CRY1: variants seen among roughly 807,000 people sequenced by gnomAD.
CRY1 encodes cryptochrome-1.
Under a neutral mutation model 76.0 loss-of-function variants are expected in CRY1, and 45 were observed. The observed-to-expected ratio is 0.59, with a 90% CI of 0.47 to 0.76. CRY1 has a LOEUF of 0.76. Among genes scored for constraint, CRY1 ranks in the 30% least tolerant of loss-of-function variants. The pLI is 0.00. For missense variants in CRY1, 587 were observed against 716.4 expected (o/e 0.82, Z 2.06); for synonymous variants, 248 against 244.0 (o/e 1.02, Z -0.15).
intron 1 of CRY1, among the ~76,000 whole-genome samples, chr12:107,047,855 C>A (rs899283235): frequency 2.0e-5 from 3 of 151,754 alleles, no homozygotes; most frequent in East Asian, 1.9e-4. Flanking sequence ...TACAAGGAAC[C>A]AGACAAGCAA....
chr12:107,001,980 A>T (rs763177516), intron 3 of CRY1, 32 bp from the exon 4 acceptor site: 1 of 1,524,406 alleles, frequency 6.6e-7, no homozygotes, highest in Admixed American at 2.5e-5. Context: ...TGTAGTTAGT[A>T]TTAAAAAAGA....
At chr12:107,059,414 AT>A (rs1198369844) in intron 1 of CRY1, among the ~76,000 whole-genome samples, 1 of 151,440 alleles carries the variant, frequency 6.6e-6, no homozygotes, top group Non-Finnish European at 1.5e-5. Flanking sequence ...TACTTGTCTA[AT>A]TTTTTTTCCG....
intron 2 of CRY1, among the ~76,000 whole-genome samples, chr12:107,012,195 TA>T (rs1566246938): frequency 6.6e-6 from 1 of 151,772 alleles, no homozygotes; most frequent in Admixed American, 6.6e-5. Context: ...GTCTCAAAAA[TA>T]AAAAAAGAAG....
At chr12:107,009,558 A>AC (rs1555275534) in intron 2 of CRY1, among the ~76,000 whole-genome samples, 879 of 48,384 alleles carry the variant, frequency 0.018, 25 homozygotes, top group Middle Eastern at 0.034. Context: ...AAAAAAACAA[A>AC]AAAACATATA....
intron 3 of CRY1, 125 bp downstream of exon 3, chr12:107,004,981 A>T: frequency 1.3e-6 from 1 of 778,746 alleles, no homozygotes; most frequent in Non-Finnish European, 2.0e-6. Flanking sequence ...TTTCTACTTT[A>T]TAAACCTCAG....
At chr12:107,086,085 T>C (rs1215666411) in intron 1 of CRY1, among the ~76,000 whole-genome samples, 2 of 152,172 alleles carry the variant, frequency 1.3e-5, no homozygotes, top group African/African-American at 4.8e-5. Flanking sequence ...TTGGCTACAT[T>C]GTATCCATGC....
chr12:107,006,976 AG>A (rs932509042), intron 2 of CRY1, among the ~76,000 whole-genome samples: 9 of 152,150 alleles, frequency 5.9e-5, no homozygotes, highest in Non-Finnish European at 1.2e-4. Context: ...CTAAACTATT[AG>A]GAAAAAAATA....
At position 107,093,049 on chromosome 12, in the gene CRY1, C is replaced by T. The variant is rs540370223; in HGVS notation, c.-88G>A. 2.1e-6 allele frequency: 3 copies of T among 1,403,584 alleles called. No individual in the cohort carries two copies. Among genetic ancestry groups the T allele is most frequent in the African/African-American group, 1.5e-5 (1 of 68,588 alleles). 86.9% of individuals were successfully genotyped at this position (1,403,584 alleles called of 1,614,324 possible). On this transcript the variant is annotated 5_prime_UTR_variant, in exon 1 of 13. Transcript: ENST00000008527. ...GACACCTTCGCTTCCAAGAGAATTG[C>T]CTCACCCGGGGCGTGAGGAAAGGGC...
chr12:107,012,087 G>C (rs1057445697), intron 2 of CRY1, among the ~76,000 whole-genome samples: 1 of 152,184 alleles, frequency 6.6e-6, no homozygotes, highest in Non-Finnish European at 1.5e-5. Context: ...CTACTCAGGA[G>C]GCTGAGGCAG....
Position 107,022,003 on chromosome 12 carries a change from A to G in CRY1, c.267+81T>C, listed in dbSNP as rs1952563910. The G allele has an allele frequency of 2.8e-6, 3 of 1,062,354 alleles. No homozygotes were observed. In the African/African-American group the frequency reaches 4.9e-5, roughly 17 times the overall value. The allele number at this position is 1,062,354 out of a possible 1,614,324, so 65.8% of individuals were successfully genotyped here. ...AAATACTTATATTCGCTACATTTTC[A>G]ATTAGTCAAAAAACTTTATTTACCA... On this transcript the variant is annotated intron_variant, in intron 2 of 12. Transcript: ENST00000008527.
chr12:107,090,920 T>C (rs1365006141), intron 1 of CRY1, among the ~76,000 whole-genome samples: 1 of 152,170 alleles, frequency 6.6e-6, no homozygotes, highest in Non-Finnish European at 1.5e-5. Context: ...TTCACTTTCT[T>C]AGCAAAGTGT....
At chr12:107,016,929 A>G (rs1456313009) in intron 2 of CRY1, among the ~76,000 whole-genome samples, 1 of 152,126 alleles carries the variant, frequency 6.6e-6, no homozygotes, top group Non-Finnish European at 1.5e-5. Flanking sequence ...TATATATCCA[A>G]AACCCTACCA....
chr12:107,022,710 T>C (rs1952572304), intron 1 of CRY1, among the ~76,000 whole-genome samples: 1 of 151,822 alleles, frequency 6.6e-6, no homozygotes, highest in African/African-American at 2.4e-5. Context: ...TTTTGTAATA[T>C]TGTAATCATT....
intron 1 of CRY1, among the ~76,000 whole-genome samples, chr12:107,074,629 A>C (rs904026909): frequency 6.6e-6 from 1 of 152,240 alleles, no homozygotes; most frequent in Non-Finnish European, 1.5e-5. Context: ...TATATCTTTT[A>C]TAATACTAAA....
At chr12:107,029,783 A>G (rs1311243869) in intron 1 of CRY1, among the ~76,000 whole-genome samples, 2 of 152,206 alleles carry the variant, frequency 1.3e-5, no homozygotes, top group Non-Finnish European at 1.5e-5. Context: ...AACCTAAAAA[A>G]GTAACCTGAA....
rs776179929 is a variant in CRY1 at position 107,022,204 on chromosome 12, A to T, written c.159-12T>A. On this transcript the variant is annotated splice_polypyrimidine_tract_variant and intron_variant, in intron 1 of 12. Coordinates refer to ENST00000008527, the MANE Select transcript of CRY1 (RefSeq NM_004075.5). Reference sequence around the variant, plus strand: ...ACTGAAGCAAAAATCTAGAGAGAAGAAAGTATTATTTAAATTATTAAAAAA... The same window carrying T: ...ACTGAAGCAAAAATCTAGAGAGAAGTAAGTATTATTTAAATTATTAAAAAA... 2.1e-6 allele frequency: 3 copies of T among 1,430,630 alleles called. No homozygotes were observed. Among genetic ancestry groups the T allele is most frequent in the Non-Finnish European group, 2.9e-6 (3 of 1,041,254 alleles). 88.6% of individuals were successfully genotyped at this position (1,430,630 alleles called of 1,614,324 possible).
rs1953493289 is a variant in CRY1 at position 107,092,965 on chromosome 12, G to C, written c.-4C>G. The C allele has an allele frequency of 2.6e-6, 4 of 1,531,476 alleles. No individual in the cohort carries two copies. Among genetic ancestry groups the C allele is most frequent in the Non-Finnish European group, 3.5e-6 (4 of 1,143,418 alleles). 94.9% of individuals were successfully genotyped at this position (1,531,476 alleles called of 1,614,324 possible). A position where few individuals can be genotyped will look rare whatever the true frequency, so the allele number is the denominator to read the frequency against. ...AGTGCACGGCGTTCACCCCCATGCC[G>C]GGGGGCGCGGCGGGTCCTCCACGGA... On this transcript the variant is annotated 5_prime_UTR_variant, in exon 1 of 13. Coordinates refer to ENST00000008527, the MANE Select transcript of CRY1 (RefSeq NM_004075.5).
At chr12:107,062,025 CAAAAAAAAA>C (rs35683352) in intron 1 of CRY1, among the ~76,000 whole-genome samples, 19 of 93,558 alleles carry the variant, frequency 2.0e-4, no homozygotes, top group African/African-American at 8.9e-4. Context: ...GACCCTGTCT[CAAAAAAAAA>C]AAAAAAAAAA....
intron 1 of CRY1, among the ~76,000 whole-genome samples, chr12:107,037,462 G>A (rs1257593062): frequency 6.6e-6 from 1 of 152,034 alleles, no homozygotes; most frequent in Non-Finnish European, 1.5e-5. Context: ...AAACTGGGAG[G>A]TGGAGGTTGC....
Sources: allele counts gnomAD v4.1 joint callset (sites outside exome capture counted in the v4.1 genomes callset), GRCh38; gene constraint gnomAD v4.1.1; transcripts MANE v1.5; gene names NCBI Gene and HGNC (gene_info 2026-07-23, HGNC 2026-07-21).